The following UTP18 variants were observed in gnomAD, a reference collection of about 807,000 sequenced individuals.
The protein encoded by UTP18 is U3 small nucleolar RNA-associated protein 18 homolog.
Under a neutral mutation model 61.1 loss-of-function variants are expected in UTP18, and 36 were observed. That is an observed-to-expected ratio of 0.59 (90% CI 0.45 to 0.78). UTP18 has a LOEUF of 0.78. Ranked by LOEUF, UTP18 falls within the 30% of genes least tolerant of loss-of-function variation. UTP18 has a pLI of 0.00. For missense variants in UTP18, 753 were observed against 693.9 expected (o/e 1.09, Z -0.96); for synonymous variants, 282 against 251.1 (o/e 1.12, Z -1.16).
At chr17:51,282,695 T>C (rs943696827) in intron 9 of UTP18, among the ~76,000 whole-genome samples, 3 of 152,084 alleles carry the variant, frequency 2.0e-5, no homozygotes, top group Non-Finnish European at 4.4e-5. Flanking sequence ...GCAGATATAA[T>C]GTATTTACAA....
At chr17:51,262,835 AG>A (rs1359037780) in intron 1 of UTP18, among the ~76,000 whole-genome samples, 1 of 152,164 alleles carries the variant, frequency 6.6e-6, no homozygotes, top group Non-Finnish European at 1.5e-5. Context: ...TACAGGCATG[AG>A]GCATTGCGCT....
rs148921887 is a variant in UTP18, at chr17:51,293,625, T to C, written c.1504-278T>C. On this transcript the variant is annotated intron_variant, in intron 11 of 13. Coordinates refer to ENST00000225298, the MANE Select transcript of UTP18 (RefSeq NM_016001.3). The stretch of plus-strand genomic sequence containing the variant: ...AAAGATTGGACACCCCTGTCCACCA[T>C]TGGAGTGATGGTGACACTTAAGAGC... 2.2e-4 allele frequency among the ~76,000 whole-genome samples: 34 copies of C among 151,768 alleles called. 1 individual carries two copies. In the East Asian group the frequency reaches 6.5e-3, roughly 29 times the overall value.
chr17:51,289,714 A>G (rs1307977101), intron 11 of UTP18, among the ~76,000 whole-genome samples: 5 of 152,228 alleles, frequency 3.3e-5, no homozygotes, highest in African/African-American at 9.6e-5. Context: ...GTTTGCTGCT[A>G]TGTGTGTACT....
intron 4 of UTP18, among the ~76,000 whole-genome samples, chr17:51,271,333 G>T (rs1490250602): frequency 2.0e-5 from 3 of 151,690 alleles, no homozygotes; most frequent in Non-Finnish European, 2.9e-5. Flanking sequence ...TTGAGACAGG[G>T]TCTCACTCTA....
In UTP18 at chr17:51,277,127, T is replaced by A; in HGVS notation, c.838-3T>A. ...AAAAGAACCATTTTGTACTTCTTTA[T>A]AGGTTGATGGGAAAACAAATCCTAA... is the stretch of plus-strand genomic sequence containing the variant. On this transcript the variant is annotated splice_region_variant and splice_polypyrimidine_tract_variant and intron_variant, in intron 6 of 13. Transcript: ENST00000225298. 1 of 1,613,574 alleles carries A rather than the reference T, an allele frequency of 6.2e-7. No individual in the cohort carries two copies. The highest frequency in any genetic ancestry group is 2.2e-5 in the East Asian group (1 of 44,870).
At chr17:51,273,205 GTTTTGC>G (rs1904586735) in intron 4 of UTP18, among the ~76,000 whole-genome samples, 151 bp from the exon 5 acceptor site, 1 of 117,314 alleles carries the variant, frequency 8.5e-6, no homozygotes, top group Admixed American at 8.4e-5. Flanking sequence ...TTTTTTTCCT[GTTTTGC>G]TTTTGCCAGT....
rs569128987 is a variant in UTP18 at position 51,275,295 on chromosome 17, A to G, written c.712-571A>G. ...GTTTTTAACTGAATTTTAAAAATTC[A>G]AGGGGAAACCTGTAAAAACAAAATA... On this transcript the variant is annotated intron_variant, in intron 5 of 13. Transcript: ENST00000225298. 3.3e-5 allele frequency among the ~76,000 whole-genome samples: 5 copies of G among 152,316 alleles called. No homozygotes were observed. In the South Asian group the frequency reaches 6.2e-4, roughly 19 times the overall value.
rs1156276432 is a variant in UTP18 at position 51,297,866 on chromosome 17, T to A, written c.*99T>A. The stretch of plus-strand genomic sequence containing the variant: ...TATGTGATAATATATGGAAAATGAT[T>A]TATAGATCCAGCTGTGCTTAAGAGC... On this transcript the variant is annotated 3_prime_UTR_variant, in exon 14 of 14. Transcript: ENST00000225298. 1 of 362,476 alleles carries A rather than the reference T, an allele frequency of 2.8e-6. No individual in the cohort carries two copies. Among genetic ancestry groups the A allele is most frequent in the Non-Finnish European group, 5.2e-6 (1 of 192,474 alleles). 22.5% of individuals were successfully genotyped at this position (362,476 alleles called of 1,614,324 possible).
intron 7 of UTP18, among the ~76,000 whole-genome samples, chr17:51,277,695 A>G (rs1904778115): frequency 6.6e-6 from 1 of 152,186 alleles, no homozygotes; most frequent in African/African-American, 2.4e-5. Flanking sequence ...CTGTAGTTTT[A>G]GTGTTAGTTA....
chr17:51,286,647 A>G, intron 10 of UTP18: 1 of 448,916 alleles, frequency 2.2e-6, no homozygotes, highest in South Asian at 1.6e-5. Flanking sequence ...TGCCCTGATG[A>G]AGGCCCCTTC....
chr17:51,270,560 T>C (rs1246549031), intron 4 of UTP18, among the ~76,000 whole-genome samples: 4 of 152,124 alleles, frequency 2.6e-5, no homozygotes. Flanking sequence ...GCACATAAAA[T>C]TGGGGTGGTA....
At chr17:51,261,016 T>A (rs560062275) in intron 1 of UTP18, 90 bp downstream of exon 1, 3 of 1,206,308 alleles carry the variant, frequency 2.5e-6, no homozygotes, top group African/African-American at 1.6e-5. Flanking sequence ...CTGGGCGACC[T>A]GCGGCGGCGG....
chr17:51,273,315 C>A, intron 4 of UTP18, 47 bp from the exon 5 acceptor site: 2 of 1,449,028 alleles, frequency 1.4e-6, no homozygotes, highest in Admixed American at 2.0e-5. Flanking sequence ...GTAAAAGGGG[C>A]AGCTCATTGA....
chr17:51,289,470 G>C (rs1344397834), intron 11 of UTP18, among the ~76,000 whole-genome samples: 2 of 151,070 alleles, frequency 1.3e-5, no homozygotes, highest in African/African-American at 4.9e-5. Context: ...GGCTCCCAAA[G>C]TGCTGGGATT....
chr17:51,275,721 GTT>G (rs1019979391), intron 5 of UTP18, 143 bp from the exon 6 acceptor site: 198 of 652,942 alleles, frequency 3.0e-4, no homozygotes, highest in Middle Eastern at 5.1e-4. Flanking sequence ...TTTGTTTTTT[GTT>G]TTTTTTTTTT....
chr17:51,260,985 T>C, intron 1 of UTP18, 59 bp downstream of exon 1: 3 of 1,381,500 alleles, frequency 2.2e-6, no homozygotes, highest in Non-Finnish European at 2.8e-6. Context: ...CGGTGGGCGG[T>C]GAAGCTCCGG....
chr17:51,296,180 G>C (rs1457178129), intron 12 of UTP18: 1 of 152,172 alleles, frequency 6.6e-6, no homozygotes, highest in Non-Finnish European at 1.5e-5. Flanking sequence ...TGACAAGGTG[G>C]ATCTTTAGGG....
chr17:51,271,195 A>T (rs1904518391), intron 4 of UTP18, among the ~76,000 whole-genome samples: 1 of 152,048 alleles, frequency 6.6e-6, no homozygotes, highest in Admixed American at 6.6e-5. Flanking sequence ...AACTGGCTTG[A>T]TGTCTTCTGT....
intron 9 of UTP18, among the ~76,000 whole-genome samples, chr17:51,281,678 C>T (rs1395323894): frequency 6.6e-6 from 1 of 152,056 alleles, no homozygotes; most frequent in African/African-American, 2.4e-5. Flanking sequence ...GTGTCACTAT[C>T]CTGGTTGTAA....
Sources: allele counts gnomAD v4.1 joint callset (sites outside exome capture counted in the v4.1 genomes callset), GRCh38; gene constraint gnomAD v4.1.1; transcripts MANE v1.5; gene names NCBI Gene and HGNC (gene_info 2026-07-23, HGNC 2026-07-21).